The following UBE2E1 variants were observed in gnomAD, a reference collection of about 807,000 sequenced individuals.
UBE2E1 encodes ubiquitin conjugating enzyme E2 E1, also known as ubiquitin-conjugating enzyme E2 E1.
UBE2E1 carries 6 observed loss-of-function variants against 21.4 expected under a neutral mutation model. That is an observed-to-expected ratio of 0.28 (90% confidence interval 0.15 to 0.55). UBE2E1 has a LOEUF of 0.55. Among genes scored for constraint, UBE2E1 ranks in the 20% least tolerant of loss-of-function variants. The pLI is 0.93. For missense variants in UBE2E1, 142 were observed against 236.5 expected (o/e 0.60, Z 2.62); for synonymous variants, 87 against 82.7 (o/e 1.05, Z -0.28).
At chr3:23,869,904 A>G (rs527286096) in intron 3 of UBE2E1, among the ~76,000 whole-genome samples, 6 of 152,262 alleles carry the variant, frequency 3.9e-5, no homozygotes, top group Admixed American at 3.9e-4. Flanking sequence ...ATTTATTGCT[A>G]CATAACAAAA....
chr3:23,888,550 A>T lies in UBE2E1; in HGVS notation c.337-562A>T, dbSNP rs545884544. 3.8e-3 allele frequency among the ~76,000 whole-genome samples: 582 copies of T among 152,230 alleles called. 1 individual carries two copies. Among genetic ancestry groups the T allele is most frequent in the Non-Finnish European group, 6.7e-3 (455 of 68,022 alleles). ...CCCATTACTGGCTCTGCATCCATGG[A>T]CACTCGATTATATAATAGTAAATTC... On this transcript the variant is annotated intron_variant, in intron 4 of 5. Coordinates refer to ENST00000306627, the MANE Select transcript of UBE2E1 (RefSeq NM_003341.5).
Position 23,889,656 on chromosome 3 carries a change from A to G in UBE2E1, c.484+397A>G, listed in dbSNP as rs572676075. The stretch of plus-strand genomic sequence containing the variant: ...GGGGTTCAGTGAGCATGTGTCCCAT[A>G]GCTGGTCACTGAGATGGCACTCAAT... On this transcript the variant is annotated intron_variant, in intron 5 of 5. Transcript: ENST00000306627. 4 of 985,328 alleles carry G rather than the reference A, an allele frequency of 4.1e-6. No individual in the cohort carries two copies. In the African/African-American group the frequency reaches 7.0e-5, roughly 17 times the overall value. The allele number at this position is 985,328 out of a possible 1,614,324, so 61.0% of individuals were successfully genotyped here.
intron 3 of UBE2E1, among the ~76,000 whole-genome samples, chr3:23,859,747 C>G (rs1162100650): frequency 6.6e-6 from 1 of 152,186 alleles, no homozygotes; most frequent in Non-Finnish European, 1.5e-5. Context: ...TTACCCAGTT[C>G]ATTGAGGGTA....
At chr3:23,854,957 A>T (rs1401587362) in intron 3 of UBE2E1, among the ~76,000 whole-genome samples, 4 of 152,252 alleles carry the variant, frequency 2.6e-5, no homozygotes, top group Non-Finnish European at 5.9e-5. Context: ...CAGATTGTCC[A>T]CTGACAGGTT....
chr3:23,829,930 C>A (rs1025964212), intron 3 of UBE2E1, among the ~76,000 whole-genome samples: 5 of 151,982 alleles, frequency 3.3e-5, no homozygotes, highest in Non-Finnish European at 5.9e-5. Flanking sequence ...GTAGAGAAAC[C>A]CTGGCATTGT....
intron 3 of UBE2E1, among the ~76,000 whole-genome samples, chr3:23,873,384 C>T (rs1700844539): frequency 6.6e-6 from 1 of 152,062 alleles, no homozygotes. Flanking sequence ...GGAGCCGGAC[C>T]TAGGATGAGA....
At position 23,845,587 on chromosome 3, in the gene UBE2E1, C is replaced by CTGTGTGTGTGTGTGTGTGTG. The variant is rs372552220; in HGVS notation, c.203+34078_203+34079insGTGTGTGTGTGTGTGTGTGT. ...TCTCTCTCTCTCTCTCTCTCTCTCT[C>CTGTGTGTGTGTGTGTGTGTG]TCTGTGTGTGTGTGTGTGTGTGTGT... On this transcript the variant is annotated intron_variant, in intron 3 of 5. Coordinates refer to ENST00000306627, the MANE Select transcript of UBE2E1 (RefSeq NM_003341.5). Among the ~76,000 whole-genome samples, 796 of 115,290 alleles carry CTGTGTGTGTGTGTGTGTGTG rather than the reference C, an allele frequency of 6.9e-3. 4 individuals carry two copies. The highest frequency in any genetic ancestry group is 7.6e-3 in the Non-Finnish European group (423 of 55,616). The allele number at this position is 115,290 out of a possible 152,430, so 75.6% of individuals were successfully genotyped here. A position where few individuals can be genotyped will look rare whatever the true frequency, so the allele number is the denominator to read the frequency against.
At chr3:23,875,187 G>A (rs1700889285) in intron 3 of UBE2E1, among the ~76,000 whole-genome samples, 2 of 152,190 alleles carry the variant, frequency 1.3e-5, no homozygotes, top group African/African-American at 2.4e-5. Flanking sequence ...AGCATATACA[G>A]TAAGACCTAC....
At chr3:23,834,030 A>G (rs1230887823) in intron 3 of UBE2E1, among the ~76,000 whole-genome samples, 1 of 152,234 alleles carries the variant, frequency 6.6e-6, no homozygotes, top group African/African-American at 2.4e-5. Flanking sequence ...AGAAAATTTC[A>G]ACAGTGCAAA....
chr3:23,882,594 C>T (rs946875929), intron 3 of UBE2E1, among the ~76,000 whole-genome samples: 4 of 152,182 alleles, frequency 2.6e-5, no homozygotes, highest in South Asian at 2.1e-4. Context: ...TGGTCCCCAT[C>T]GGGGAGGCTC....
rs879418002 is a variant in UBE2E1 at position 23,842,741 on chromosome 3, A to G, written c.203+31231A>G. The stretch of plus-strand genomic sequence containing the variant: ...TTAATTTTGGTTTTTGAAGTCACAC[A>G]TAAGTTTTTATACTTTTTGAGGGAA... On this transcript the variant is annotated intron_variant, in intron 3 of 5. Coordinates refer to ENST00000306627, the MANE Select transcript of UBE2E1 (RefSeq NM_003341.5). The surrounding 1 kb of genome is among the most constrained non-coding windows in gnomAD (Gnocchi z 4.6). Among the ~76,000 whole-genome samples, 3 of 152,218 alleles carry G rather than the reference A, an allele frequency of 2.0e-5. No homozygotes were observed. Among genetic ancestry groups the G allele is most frequent in the Non-Finnish European group, 2.9e-5 (2 of 68,034 alleles).
intron 3 of UBE2E1, among the ~76,000 whole-genome samples, chr3:23,872,381 GGGGAGA>G (rs562975927): frequency 0.011 from 1,665 of 149,404 alleles, 23 homozygotes; most frequent in South Asian, 0.056. Flanking sequence ...GGAGGGGGAG[GGGGAGA>G]GGGAGAGGGA....
Position 23,887,655 on chromosome 3 carries a change from C to A in UBE2E1, c.292C>A (p.Leu98Ile), listed in dbSNP as rs768337127. The A allele has an allele frequency of 1.2e-6, 2 of 1,613,820 alleles. No individual in the cohort carries two copies. The highest frequency in any genetic ancestry group is 2.7e-5 in the African/African-American group (2 of 74,906). Residue 98 changes from leucine to isoleucine, a missense_variant, in exon 4 of 6, where the codon CTC becomes ATC. Leu to Ile is a conservative substitution (Grantham distance 5, BLOSUM62 2). Around this residue, in one of 2 missense-constraint regions of UBE2E1, gnomAD observed 87 missense variants for 184.9 expected, o/e 0.47. Coordinates refer to ENST00000306627, the MANE Select transcript of UBE2E1 (RefSeq NM_003341.5). This position sits in a 1 kb window ranked among gnomAD's most constrained non-coding sequence, Gnocchi z 4.4. ...GSVYEGGVFFLDITFTPEYPF... is the reference protein window; with the variant it reads ...GSVYEGGVFFIDITFTPEYPF... The stretch of plus-strand genomic sequence containing the variant: ...CGTGTATGAGGGTGGTGTATTCTTT[C>A]TCGATATCACTTTTACACCAGAATA...
chr3:23,860,354 G>A (rs569980188), intron 3 of UBE2E1, among the ~76,000 whole-genome samples: 2 of 152,324 alleles, frequency 1.3e-5, no homozygotes, highest in South Asian at 2.1e-4. Context: ...TTTTAGCAAT[G>A]TTTTAGCTGG....
At chr3:23,815,938 A>G (rs1234783459) in intron 3 of UBE2E1, among the ~76,000 whole-genome samples, 1 of 152,234 alleles carries the variant, frequency 6.6e-6, no homozygotes, top group African/African-American at 2.4e-5. Context: ...TGTGACAACC[A>G]GGAGACTGGG....
At position 23,852,287 on chromosome 3, in the gene UBE2E1, A is replaced by G. The variant is rs78682552; in HGVS notation, c.204-35280A>G. ...CTTTTCAGTTATTTATATTTCCCTT[A>G]ATTTATTTCAATGATGGTTTTTAGT... On this transcript the variant is annotated intron_variant, in intron 3 of 5. Coordinates refer to ENST00000306627, the MANE Select transcript of UBE2E1 (RefSeq NM_003341.5). Among the ~76,000 whole-genome samples the G allele has an allele frequency of 2.3e-3, 351 of 152,060 alleles. 1 individual carries two copies. Among genetic ancestry groups the G allele is most frequent in the African/African-American group, 8.1e-3 (336 of 41,522 alleles).
intron 3 of UBE2E1, among the ~76,000 whole-genome samples, chr3:23,845,589 CTGTGTG>C (rs377458829): frequency 8.2e-6 from 1 of 121,288 alleles, no homozygotes; most frequent in Non-Finnish European, 1.7e-5. Flanking sequence ...CTCTCTCTCT[CTGTGTG>C]TGTGTGTGTG....
In UBE2E1 at chr3:23,819,822, G is replaced by A. The variant is rs548043563; in HGVS notation, c.203+8312G>A. 5.9e-5 allele frequency among the ~76,000 whole-genome samples: 9 copies of A among 152,264 alleles called. No homozygotes were observed. The South Asian group carries it at 1.7e-3, about 28-fold the overall frequency. ...CTGCAATCACAGAGAAGCTCTGGAC[G>A]TCAGTGTGGCAAAAAAGATGTGATC... is the stretch of plus-strand genomic sequence containing the variant. On this transcript the variant is annotated intron_variant, in intron 3 of 5. Coordinates refer to ENST00000306627, the MANE Select transcript of UBE2E1 (RefSeq NM_003341.5).
Position 23,810,581 on chromosome 3 carries a change from T to G in UBE2E1, c.153-879T>G. On this transcript the variant is annotated intron_variant, in intron 2 of 5. Transcript: ENST00000306627. This position sits in a 1 kb window ranked among gnomAD's most constrained non-coding sequence, Gnocchi z 5.8. ...GCCAGCGTGCGGGGCGGAGGCAGGGTCCGGTGCACCTGTGCGGCCGCGGGC... is the reference window on the plus strand; with the variant it reads ...GCCAGCGTGCGGGGCGGAGGCAGGGGCCGGTGCACCTGTGCGGCCGCGGGC... The G allele has an allele frequency of 6.7e-7, 1 of 1,498,158 alleles. No individual in the cohort carries two copies. The highest frequency in any genetic ancestry group is 8.9e-7 in the Non-Finnish European group (1 of 1,121,426). 92.8% of individuals were successfully genotyped at this position (1,498,158 alleles called of 1,614,324 possible). A position where few individuals can be genotyped will look rare whatever the true frequency, so the allele number is the denominator to read the frequency against.
Sources: gnomAD v4.1 joint callset for allele counts (sites outside exome capture counted in the v4.1 genomes callset) on GRCh38, gnomAD v4.1.1 for gene constraint, gnomAD v4.1.1 regional missense constraint, Gnocchi (gnomAD v3.1) non-coding constraint, MANE v1.5 for transcripts, NCBI Gene and HGNC (gene_info 2026-07-23, HGNC 2026-07-21) for gene names.